The following MYO5B variants were observed in gnomAD, a reference collection of about 807,000 sequenced individuals.
MYO5B encodes the protein myosin VB.
Under a neutral mutation model 229.3 loss-of-function variants are expected in MYO5B, and 143 were observed. The observed-to-expected ratio is 0.62, with a 90% CI of 0.54 to 0.72. MYO5B has a LOEUF of 0.72. Among genes scored for constraint, MYO5B ranks in the 30% least tolerant of loss-of-function variants. The pLI is 0.00. For synonymous variants in MYO5B, 918 were observed against 885.2 expected (o/e 1.04, Z -0.66); for missense variants, 2,321 against 2,331.0 (o/e 1.00, Z 0.09).
rs1229761410 is a variant in MYO5B, at chr18:50,036,892, T to C, written c.413A>G (p.His138Arg). 2 of 1,614,108 alleles carry C rather than the reference T, an allele frequency of 1.2e-6. No individual in the cohort carries two copies. The highest frequency in any genetic ancestry group is 8.5e-7 in the Non-Finnish European group (1 of 1,180,014). The change falls in exon 4 of 40, where the codon CAC becomes CGC. Residue 138 changes from histidine to arginine, a missense_variant. His to Arg is a conservative substitution (Grantham distance 29, BLOSUM62 0). Around this residue, in one of 2 missense-constraint regions of MYO5B, gnomAD observed 2,113 missense variants for 2,044.7 expected, o/e 1.03. Coordinates refer to ENST00000285039, the MANE Select transcript of MYO5B (RefSeq NM_001080467.3). ...SGQNMGDMDPHIFAVAEEAYK... is the reference protein window; with the variant it reads ...SGQNMGDMDPRIFAVAEEAYK... Reference sequence around the variant, plus strand: ...GGCTTCTTCTGCCACAGCAAAGATGTGGGGGTCCATGTCTCCCATGTTTTG... The same window carrying C: ...GGCTTCTTCTGCCACAGCAAAGATGCGGGGGTCCATGTCTCCCATGTTTTG...
At chr18:50,008,842 T>C (rs545260922) in intron 4 of MYO5B, among the ~76,000 whole-genome samples, 137 of 152,362 alleles carry the variant, frequency 9.0e-4, no homozygotes, top group African/African-American at 3.2e-3. Context: ...ATAATCAGTC[T>C]ACTGCTTCTT....
intron 2 of MYO5B, among the ~76,000 whole-genome samples, chr18:50,049,727 T>C (rs72915708): frequency 0.14 from 21,417 of 152,166 alleles, 1,675 homozygotes; most frequent in South Asian, 0.23. Flanking sequence ...TGCCCAGACA[T>C]TGCCAAATGT....
chr18:50,191,379 G>A (rs1012187720), intron 1 of MYO5B, among the ~76,000 whole-genome samples: 8 of 152,132 alleles, frequency 5.3e-5, no homozygotes, highest in African/African-American at 1.9e-4. Context: ...GATTAATTAT[G>A]CCAACCCCTC....
intron 4 of MYO5B, among the ~76,000 whole-genome samples, chr18:50,020,306 A>G (rs973305884): frequency 2.0e-5 from 3 of 152,228 alleles, no homozygotes; most frequent in Admixed American, 6.5e-5. Context: ...AGTATCTACT[A>G]TGCATTAAGA....
intron 1 of MYO5B, among the ~76,000 whole-genome samples, chr18:50,099,744 G>C (rs2031619401): frequency 6.6e-6 from 1 of 152,208 alleles, no homozygotes. Flanking sequence ...TGAATTTGCA[G>C]AATAGTTAGC....
chr18:50,083,739 G>C (rs1033893254), intron 1 of MYO5B, among the ~76,000 whole-genome samples: 1 of 152,076 alleles, frequency 6.6e-6, no homozygotes, highest in African/African-American at 2.4e-5. Context: ...TTACAAGGTG[G>C]ATCACCAAGG....
intron 31 of MYO5B, among the ~76,000 whole-genome samples, chr18:49,851,253 G>A (rs1023872431): frequency 1.3e-5 from 2 of 152,064 alleles, no homozygotes; most frequent in African/African-American, 4.8e-5. Context: ...TACCCCTCCC[G>A]AAATGCTCAA....
At chr18:50,160,540 C>T (rs1320251061) in intron 1 of MYO5B, among the ~76,000 whole-genome samples, 1 of 152,190 alleles carries the variant, frequency 6.6e-6, no homozygotes, top group Non-Finnish European at 1.5e-5. Flanking sequence ...AGTCCTCCAG[C>T]CGACTGTGTT....
chr18:50,116,472 A>G (rs1377801631), intron 1 of MYO5B, among the ~76,000 whole-genome samples: 2 of 152,142 alleles, frequency 1.3e-5, no homozygotes, highest in East Asian at 3.8e-4. Flanking sequence ...AACTTTGCCT[A>G]CCCAAACTGG....
chr18:50,113,202 T>A (rs536109387), intron 1 of MYO5B, among the ~76,000 whole-genome samples: 54 of 151,924 alleles, frequency 3.6e-4, no homozygotes, highest in African/African-American at 1.0e-3. Context: ...GTCAGCATTG[T>A]TCTAAGTACC....
chr18:50,190,659 C>G (rs1616442), intron 1 of MYO5B, among the ~76,000 whole-genome samples: 133,138 of 152,258 alleles, frequency 0.87, 58,318 homozygotes, highest in Middle Eastern at 0.9. Context: ...TAAACTGCCA[C>G]TTGAAGGGAA....
intron 21 of MYO5B, among the ~76,000 whole-genome samples, chr18:49,896,608 G>A (rs1414530267): frequency 6.6e-6 from 1 of 152,126 alleles, no homozygotes; most frequent in Non-Finnish European, 1.5e-5. Context: ...AGGAGTGGAA[G>A]GATAACTAGG....
chr18:50,192,721 C>T (rs1349279354), intron 1 of MYO5B, among the ~76,000 whole-genome samples: 1 of 152,104 alleles, frequency 6.6e-6, no homozygotes, highest in Non-Finnish European at 1.5e-5. Flanking sequence ...ACTTTGTGTC[C>T]TAATCTTGAA....
At chr18:49,868,855 G>T (rs2024426578) in intron 27 of MYO5B, among the ~76,000 whole-genome samples, 1 of 152,230 alleles carries the variant, frequency 6.6e-6, no homozygotes, top group Non-Finnish European at 1.5e-5. Context: ...GGGCACCTAA[G>T]CCTTGTGCAG....
intron 1 of MYO5B, among the ~76,000 whole-genome samples, chr18:50,138,414 T>TC (rs1555662508): frequency 6.6e-6 from 1 of 151,450 alleles, no homozygotes; most frequent in African/African-American, 2.4e-5. Flanking sequence ...GTGCCCAATT[T>TC]GGGGGGGGTG....
intron 1 of MYO5B, among the ~76,000 whole-genome samples, chr18:50,080,466 C>T (rs779738405): frequency 2.4e-4 from 37 of 152,118 alleles, no homozygotes; most frequent in Admixed American, 4.6e-4. Flanking sequence ...TATGTTATTC[C>T]AAGGGCAGAC....
chr18:50,183,331 A>ATATATATATATATATATATATG (rs2033102299), intron 1 of MYO5B, among the ~76,000 whole-genome samples: 1 of 105,574 alleles, frequency 9.5e-6, no homozygotes, highest in African/African-American at 3.2e-5. Flanking sequence ...ATATATATAT[A>ATATATATATATATATATATATG]TATATATCTC....
chr18:49,847,390 G>A, intron 32 of MYO5B, 101 bp from the exon 33 acceptor site: 3 of 1,437,526 alleles, frequency 2.1e-6, no homozygotes, highest in Non-Finnish European at 2.9e-6. Context: ...CTGGGGCAGG[G>A]GAAGGGGCAT....
chr18:50,004,320 G>T (rs898764846), intron 4 of MYO5B, among the ~76,000 whole-genome samples: 6 of 152,178 alleles, frequency 3.9e-5, no homozygotes, highest in Non-Finnish European at 7.3e-5. Flanking sequence ...GACATACATG[G>T]CTAAGAAATT....
Sources: gnomAD v4.1 joint callset for allele counts (sites outside exome capture counted in the v4.1 genomes callset) on GRCh38, gnomAD v4.1.1 for gene constraint, gnomAD v4.1.1 regional missense constraint, MANE v1.5 for transcripts, NCBI Gene and HGNC (gene_info 2026-07-23, HGNC 2026-07-21) for gene names.